Variants in EIF2B3 observed in about 807,000 individuals in gnomAD.
EIF2B3 encodes translation initiation factor eIF2B subunit gamma.
In EIF2B3, 20 loss-of-function variants were observed where a neutral mutation model predicts 54.1. The observed-to-expected ratio is 0.37, with a 90% confidence interval of 0.26 to 0.54. The LOEUF (loss-of-function observed/expected upper bound fraction) is 0.54, where lower values mean the gene tolerates loss of function less well. EIF2B3 is among the 20% of genes least tolerant of loss of function. EIF2B3 has a pLI of 0.86. For missense variants in EIF2B3, 448 were observed against 547.8 expected, an observed-to-expected ratio of 0.82 and a Z score of 1.82; for synonymous variants, 153 against 188.1, an observed-to-expected ratio of 0.81 and a Z score of 1.52.
At chr1:44,918,142 G>A (rs1643666419) in intron 5 of EIF2B3, among the ~76,000 whole-genome samples, 1 of 145,122 alleles carries the variant, frequency 6.9e-6, no homozygotes, top group Admixed American at 7.1e-5. Flanking sequence ...CAGTGCAGTG[G>A]CACAATCTTG....
At chr1:44,966,185 A>G (rs1644336640) in intron 3 of EIF2B3, among the ~76,000 whole-genome samples, 1 of 149,718 alleles carries the variant, frequency 6.7e-6, no homozygotes, top group South Asian at 2.3e-4. Flanking sequence ...CAGGCCTGTA[A>G]TCCCAGCACT....
chr1:44,890,265 G>T (rs562292369), intron 6 of EIF2B3, among the ~76,000 whole-genome samples: 66 of 152,234 alleles, frequency 4.3e-4, no homozygotes, highest in Non-Finnish European at 8.7e-4. Flanking sequence ...TCCTAGACCT[G>T]TTTCTTGAAG....
intron 3 of EIF2B3, among the ~76,000 whole-genome samples, chr1:44,959,884 AC>A (rs1249430870): frequency 1.1e-4 from 17 of 152,156 alleles, no homozygotes; most frequent in Admixed American, 1.1e-3. Flanking sequence ...TGCCTTAAGT[AC>A]CTGTGTTATA....
At chr1:44,965,153 T>TA (rs1211235951) in intron 3 of EIF2B3, among the ~76,000 whole-genome samples, 4 of 152,104 alleles carry the variant, frequency 2.6e-5, no homozygotes, top group African/African-American at 9.7e-5. Context: ...TCCCTCCACT[T>TA]AGAGAAAGAG....
In EIF2B3 at chr1:44,932,793, T is replaced by A. The variant is rs79255847; in HGVS notation, c.455-6054A>T. Among the ~76,000 whole-genome samples the A allele has an allele frequency of 5.0e-3, 755 of 152,250 alleles. 3 individuals are homozygous for A. Among genetic ancestry groups the A allele is most frequent in the East Asian group, 8.1e-3 (42 of 5,186 alleles). On this transcript the variant is annotated intron_variant, in intron 4 of 11. Transcript: ENST00000360403. ...CTTCAAAATTTTGAGGGGATATGATTTCCAAGAGAAGTTTATATCCAGCCA... is the reference window on the plus strand; with the variant it reads ...CTTCAAAATTTTGAGGGGATATGATATCCAAGAGAAGTTTATATCCAGCCA...
chr1:44,858,212 G>A (rs962829968), intron 10 of EIF2B3, among the ~76,000 whole-genome samples: 1 of 151,216 alleles, frequency 6.6e-6, no homozygotes, highest in Non-Finnish European at 1.5e-5. Context: ...GGGACTACAG[G>A]TGAACACCAC....
At chr1:44,852,364 G>C (rs759818139) in intron 11 of EIF2B3, among the ~76,000 whole-genome samples, 1 of 152,078 alleles carries the variant, frequency 6.6e-6, no homozygotes, top group Non-Finnish European at 1.5e-5. Context: ...CCCTAACGTA[G>C]CACCTCTAAT....
At chr1:44,968,673 C>A (rs1429690420) in intron 3 of EIF2B3, among the ~76,000 whole-genome samples, 1 of 151,882 alleles carries the variant, frequency 6.6e-6, no homozygotes, top group Admixed American at 6.6e-5. Flanking sequence ...CCGAGGCGGG[C>A]GGATCATGAG....
chr1:44,971,390 A>G (rs1036787068), intron 3 of EIF2B3, among the ~76,000 whole-genome samples: 1 of 142,742 alleles, frequency 7.0e-6, no homozygotes, highest in Admixed American at 7.0e-5. Flanking sequence ...AAAAAAAAAA[A>G]TCAAAGTCAT....
At chr1:44,937,980 C>CT (rs35986381) in intron 4 of EIF2B3, among the ~76,000 whole-genome samples, 70,752 of 146,530 alleles carry the variant, frequency 0.48, 17,565 homozygotes, top group African/African-American at 0.62. Context: ...ATCCTGCCCT[C>CT]TTAGTATCAG....
At chr1:44,891,799 A>G (rs1655806317) in intron 6 of EIF2B3, among the ~76,000 whole-genome samples, 1 of 152,148 alleles carries the variant, frequency 6.6e-6, no homozygotes, top group African/African-American at 2.4e-5. Flanking sequence ...CTTTTTGATC[A>G]TGTGTGAGGA....
intron 3 of EIF2B3, among the ~76,000 whole-genome samples, chr1:44,973,685 T>C (rs1368282579): frequency 4.0e-5 from 6 of 151,884 alleles, no homozygotes; most frequent in East Asian, 1.9e-4. Flanking sequence ...GCCAGGGTGA[T>C]AGAGTGAGAC....
chr1:44,905,122 G>A (rs1187579471), intron 5 of EIF2B3, among the ~76,000 whole-genome samples: 1 of 152,176 alleles, frequency 6.6e-6, no homozygotes, highest in Non-Finnish European at 1.5e-5. Flanking sequence ...ACTGTAAGTG[G>A]TAGGAATAAC....
At chr1:44,907,009 A>G (rs1321181301) in intron 5 of EIF2B3, among the ~76,000 whole-genome samples, 1 of 152,104 alleles carries the variant, frequency 6.6e-6, no homozygotes, top group Non-Finnish European at 1.5e-5. Context: ...ACACCACTAC[A>G]CTTCTCAACC....
intron 3 of EIF2B3, among the ~76,000 whole-genome samples, chr1:44,961,824 T>G (rs1644287765): frequency 6.6e-6 from 1 of 152,136 alleles, no homozygotes; most frequent in Admixed American, 6.6e-5. Context: ...AGAACAAGAA[T>G]TATCTATCTA....
At position 44,966,862 on chromosome 1, in the gene EIF2B3, G is replaced by C. The variant is rs138974679; in HGVS notation, c.294+11453C>G. On this transcript the variant is annotated intron_variant, in intron 3 of 11. Transcript: ENST00000360403. Reference sequence around the variant, plus strand: ...TTTTGAGACGGAGTCTCACTCTGTTGCCAGGCTGGAGTGCAATGGCGCGAC... The same window carrying C: ...TTTTGAGACGGAGTCTCACTCTGTTCCCAGGCTGGAGTGCAATGGCGCGAC... Among the ~76,000 whole-genome samples the C allele has an allele frequency of 4.3e-3, 655 of 152,162 alleles. 3 individuals carry two copies. Among genetic ancestry groups the C allele is most frequent in the African/African-American group, 0.015 (626 of 41,530 alleles).
At chr1:44,879,053 GC>G (rs774933417) in intron 8 of EIF2B3, among the ~76,000 whole-genome samples, 2 of 152,072 alleles carry the variant, frequency 1.3e-5, no homozygotes, top group Non-Finnish European at 2.9e-5. Flanking sequence ...AAGACACCGT[GC>G]CCGGACTCTT....
intron 6 of EIF2B3, among the ~76,000 whole-genome samples, chr1:44,893,556 T>C (rs1655869708): frequency 6.6e-6 from 1 of 152,208 alleles, no homozygotes; most frequent in Non-Finnish European, 1.5e-5. Flanking sequence ...TCCTCTATAA[T>C]ATGAGTATAA....
intron 3 of EIF2B3, among the ~76,000 whole-genome samples, chr1:44,975,619 G>T (rs141119909): frequency 2.0e-5 from 3 of 152,122 alleles, no homozygotes; most frequent in Non-Finnish European, 4.4e-5. Flanking sequence ...ACCAAAAATC[G>T]TTATGTGGCA....
Sources: allele counts gnomAD v4.1 joint callset (sites outside exome capture counted in the v4.1 genomes callset), GRCh38; gene constraint gnomAD v4.1.1; transcripts MANE v1.5; gene names NCBI Gene and HGNC (gene_info 2026-07-23, HGNC 2026-07-21).